STIM1: variants seen among roughly 807,000 people sequenced by gnomAD.
The protein encoded by STIM1 is stromal interaction molecule 1.
A neutral mutation model predicts 74.7 loss-of-function variants in STIM1; 25 were observed. That is an observed-to-expected ratio of 0.33 (90% confidence interval 0.24 to 0.47). The LOEUF is 0.47. Ranked by LOEUF, STIM1 falls within the 20% of genes least tolerant of loss-of-function variation. The pLI, the probability that STIM1 is intolerant of heterozygous loss-of-function variation, is 1.00. For missense variants in STIM1, 728 were observed against 920.8 expected (o/e 0.79, Z 2.71); for synonymous variants, 328 against 348.8 (o/e 0.94, Z 0.66).
At chr11:3,935,283 G>A (rs973263953) in intron 1 of STIM1, among the ~76,000 whole-genome samples, 1 of 152,166 alleles carries the variant, frequency 6.6e-6, no homozygotes, top group African/African-American at 2.4e-5. Context: ...GCCCACCATG[G>A]GCATAGGACT....
chr11:3,943,026 G>T (rs1465478426), intron 1 of STIM1, among the ~76,000 whole-genome samples: 1 of 152,184 alleles, frequency 6.6e-6, no homozygotes, highest in African/African-American at 2.4e-5. Flanking sequence ...AGCAACCAGG[G>T]TTATATCATT....
At chr11:3,897,440 G>A (rs2092215452) in intron 1 of STIM1, among the ~76,000 whole-genome samples, 1 of 152,036 alleles carries the variant, frequency 6.6e-6, no homozygotes, top group African/African-American at 2.4e-5. Context: ...GTCTATTCTG[G>A]GTAACTGTGG....
intron 1 of STIM1, among the ~76,000 whole-genome samples, chr11:3,967,153 A>G (rs371366091): frequency 4.7e-4 from 71 of 152,334 alleles, no homozygotes; most frequent in African/African-American, 1.7e-3. Context: ...ACATTTGTGT[A>G]TTTGGCTGAT....
intron 2 of STIM1, among the ~76,000 whole-genome samples, chr11:4,011,530 G>A (rs1291554591): frequency 6.6e-6 from 1 of 152,290 alleles, no homozygotes; most frequent in Non-Finnish European, 1.5e-5. Flanking sequence ...CTTCTTTTGA[G>A]AAGTGTCTGT....
chr11:3,893,908 C>T (rs998496466), intron 1 of STIM1, among the ~76,000 whole-genome samples: 2 of 152,110 alleles, frequency 1.3e-5, no homozygotes, highest in African/African-American at 4.8e-5. Context: ...CCTTCAGTCT[C>T]TTCTGGGACT....
At position 4,034,680 on chromosome 11, in the gene STIM1, G is replaced by T. The variant is rs75779715; in HGVS notation, c.385+10693G>T. Among the ~76,000 whole-genome samples the T allele has an allele frequency of 1.6e-3, 250 of 152,268 alleles. 2 individuals carry two copies. In the Middle Eastern group the frequency reaches 0.02, roughly 12 times the overall value. Reference sequence around the variant, plus strand: ...CCTCAAGTTTTTTTGAAGAGTTCATGTAGAATTGGTATTATTTTTTCTTAA... The same window carrying T: ...CCTCAAGTTTTTTTGAAGAGTTCATTTAGAATTGGTATTATTTTTTCTTAA... On this transcript the variant is annotated intron_variant, in intron 3 of 12. Transcript: ENST00000526596.
intron 2 of STIM1, among the ~76,000 whole-genome samples, chr11:4,005,585 G>C (rs1050428543): frequency 1.5e-5 from 2 of 133,148 alleles, no homozygotes. Context: ...GTTGTGGGGT[G>C]GGGGGAGGGG....
chr11:3,889,380 T>C (rs929938006), intron 1 of STIM1, among the ~76,000 whole-genome samples: 12 of 151,256 alleles, frequency 7.9e-5, no homozygotes, highest in Non-Finnish European at 1.8e-4. Flanking sequence ...TTTTTTTTTT[T>C]TTTTTGAGAT....
chr11:4,020,905 G>A (rs938313621), intron 2 of STIM1, among the ~76,000 whole-genome samples: 2 of 151,770 alleles, frequency 1.3e-5, no homozygotes, highest in Admixed American at 1.3e-4. Flanking sequence ...GCTCAGTCTT[G>A]TTTGTCTTCT....
At chr11:4,040,196 T>A (rs1343442811) in intron 3 of STIM1, among the ~76,000 whole-genome samples, 1 of 152,188 alleles carries the variant, frequency 6.6e-6, no homozygotes, top group Non-Finnish European at 1.5e-5. Context: ...ATGTAAACAT[T>A]TCTGTGTTAA....
chr11:3,861,105 T>TA (rs1032622430), intron 1 of STIM1, among the ~76,000 whole-genome samples: 4 of 152,092 alleles, frequency 2.6e-5, no homozygotes, highest in African/African-American at 9.7e-5. Flanking sequence ...GGAGGCATTG[T>TA]AAATATCTGG....
chr11:3,877,505 A>G (rs2091344064), intron 1 of STIM1, among the ~76,000 whole-genome samples: 1 of 151,972 alleles, frequency 6.6e-6, no homozygotes, highest in South Asian at 2.1e-4. Context: ...CCCTATCCCC[A>G]CCCTGCCAAA....
chr11:4,077,065 A>G (rs2094441545), intron 7 of STIM1, among the ~76,000 whole-genome samples: 1 of 151,924 alleles, frequency 6.6e-6, no homozygotes, highest in Non-Finnish European at 1.5e-5. Context: ...AAAAGGTTAA[A>G]GGAAAAGGAT....
chr11:4,039,585 C>CAAAAAAAAAAAAAAAAAAAACAAAAAAA, intron 3 of STIM1, among the ~76,000 whole-genome samples: 1 of 54,478 alleles, frequency 1.8e-5, no homozygotes, highest in Non-Finnish European at 3.3e-5. Context: ...GACTCCATCT[C>CAAAAAAAAAAAAAAAAAAAACAAAAAAA]AAAAAAAAAA....
intron 2 of STIM1, among the ~76,000 whole-genome samples, chr11:3,981,864 A>G (rs1017524707): frequency 6.6e-6 from 1 of 152,234 alleles, no homozygotes; most frequent in African/African-American, 2.4e-5. Flanking sequence ...AAAGGAAAAC[A>G]CTGAGAATGC....
chr11:4,072,904 G>A (rs2094412873), intron 6 of STIM1, among the ~76,000 whole-genome samples: 1 of 152,142 alleles, frequency 6.6e-6, no homozygotes. Flanking sequence ...TTTTCAGGGG[G>A]TTCAACTCCC....
At chr11:3,885,328 GC>G (rs1254042640) in intron 1 of STIM1, among the ~76,000 whole-genome samples, 1 of 151,880 alleles carries the variant, frequency 6.6e-6, no homozygotes, top group African/African-American at 2.4e-5. Context: ...ATAGACGTGT[GC>G]TAGCCTGGCC....
chr11:3,915,622 C>A (rs939813275), intron 1 of STIM1, among the ~76,000 whole-genome samples: 17 of 152,112 alleles, frequency 1.1e-4, no homozygotes, highest in African/African-American at 2.9e-4. Context: ...TGGTCTCGAT[C>A]TCCTGACCTT....
chr11:3,923,993 GTTTA>G (rs1244475595), intron 1 of STIM1, among the ~76,000 whole-genome samples: 8 of 151,822 alleles, frequency 5.3e-5, no homozygotes, highest in Non-Finnish European at 1.0e-4. Context: ...CATTTATTCA[GTTTA>G]TTTATTTATT....
Sources: allele counts gnomAD v4.1 joint callset (sites outside exome capture counted in the v4.1 genomes callset), GRCh38; gene constraint gnomAD v4.1.1; transcripts MANE v1.5; gene names NCBI Gene and HGNC (gene_info 2026-07-23, HGNC 2026-07-21).